PDE4D: variants seen among roughly 807,000 people sequenced by gnomAD.
PDE4D encodes the protein 3',5'-cyclic-AMP phosphodiesterase 4D.
PDE4D carries 24 observed loss-of-function variants against 87.4 expected under a neutral mutation model. That is an observed-to-expected ratio of 0.27 (90% CI 0.20 to 0.39). The LOEUF (loss-of-function observed/expected upper bound fraction) is 0.39. PDE4D is among the 10% of genes least tolerant of loss of function. The pLI is 1.00. For synonymous variants in PDE4D, 384 were observed against 383.2 expected (o/e 1.00, Z -0.02); for missense variants, 714 against 1,041.0 (o/e 0.69, Z 4.32).
At chr5:58,992,032 TTTA>T (rs1472110295) in intron 7 of PDE4D, 28 bp from the exon 8 acceptor site, 2 of 1,370,160 alleles carry the variant, frequency 1.5e-6, no homozygotes, top group Non-Finnish European at 2.0e-6. Context: ...ATGTTCTATA[TTTA>T]TTATTAATTC....
At chr5:59,128,533 G>T (rs923150405) in intron 5 of PDE4D, among the ~76,000 whole-genome samples, 1 of 151,746 alleles carries the variant, frequency 6.6e-6, no homozygotes, top group Non-Finnish European at 1.5e-5. Context: ...ACAGTGGAGT[G>T]TATTATGGTC....
chr5:59,406,636 C>G (rs1316589433), intron 1 of PDE4D, among the ~76,000 whole-genome samples: 1 of 152,148 alleles, frequency 6.6e-6, no homozygotes, highest in Non-Finnish European at 1.5e-5. Flanking sequence ...GATCTGCCTG[C>G]CTTGGCCTCC....
intron 5 of PDE4D, chr5:59,125,286 T>A: frequency 1.0e-6 from 1 of 984,682 alleles, no homozygotes; most frequent in Non-Finnish European, 1.2e-6. Flanking sequence ...AAATCTCAAC[T>A]ATTCCAGGTC....
At chr5:60,069,484 A>G (rs1772479144) in intron 2 of PDE4D, among the ~76,000 whole-genome samples, 1 of 152,156 alleles carries the variant, frequency 6.6e-6, no homozygotes, top group Non-Finnish European at 1.5e-5. Context: ...GCCCGAATAG[A>G]ATAAAACAAC....
chr5:60,255,355 G>A (rs897796375), intron 1 of PDE4D, among the ~76,000 whole-genome samples: 1 of 151,818 alleles, frequency 6.6e-6, no homozygotes, highest in East Asian at 1.9e-4. Flanking sequence ...ACCAAGAGGC[G>A]ACTTGACCAA....
intron 3 of PDE4D, among the ~76,000 whole-genome samples, chr5:59,907,555 A>T (rs565193264): frequency 6.6e-6 from 1 of 152,284 alleles, no homozygotes; most frequent in Admixed American, 6.5e-5. Flanking sequence ...TAGCTTACCT[A>T]TATAACAAAC....
intron 1 of PDE4D, among the ~76,000 whole-genome samples, chr5:59,887,271 GTATGTGTGAA>G (rs544923734): frequency 2.4e-4 from 37 of 152,156 alleles, no homozygotes; most frequent in Non-Finnish European, 4.7e-4. Context: ...GGCAATGGTG[GTATGTGTGAA>G]TATAGGGTCC....
At chr5:59,606,103 A>G (rs1401269789) in intron 1 of PDE4D, among the ~76,000 whole-genome samples, 1 of 152,114 alleles carries the variant, frequency 6.6e-6, no homozygotes, top group Non-Finnish European at 1.5e-5. Context: ...ACATGAAGTA[A>G]GAGTGTTACA....
intron 1 of PDE4D, among the ~76,000 whole-genome samples, chr5:59,397,094 C>G (rs1237732021): frequency 1.6e-4 from 21 of 130,642 alleles, no homozygotes; most frequent in African/African-American, 6.3e-4. Context: ...TCCTGAGTGA[C>G]CTACAAAGAG....
intron 1 of PDE4D, among the ~76,000 whole-genome samples, chr5:59,365,813 A>G (rs1305721558): frequency 2.0e-5 from 3 of 152,150 alleles, no homozygotes; most frequent in East Asian, 1.9e-4. Flanking sequence ...CTTTTTCTCA[A>G]TAAAACATAT....
intron 1 of PDE4D, among the ~76,000 whole-genome samples, chr5:60,193,669 CAAAAAAAAAAAAA>C (rs35340734): frequency 1.5e-4 from 7 of 46,878 alleles, no homozygotes; most frequent in East Asian, 5.3e-4. Context: ...GACTCCGTCT[CAAAAAAAAAAAAA>C]AAAAAAAAAA....
rs541793546 is a variant in PDE4D, at chr5:60,110,787, G to C, written c.42+74770C>G. 3.9e-5 allele frequency among the ~76,000 whole-genome samples: 6 copies of C among 152,020 alleles called. 1 individual carries two copies. The South Asian group carries it at 1.2e-3, about 32-fold the overall frequency. The stretch of plus-strand genomic sequence containing the variant: ...CAACAGACAAATAGATAAAGAAAAT[G>C]TGGTATATACACACAATGAAATACT... On this transcript the variant is annotated intron_variant, in intron 2 of 16. Coordinates refer to the PDE4D transcript ENST00000502484.
intron 1 of PDE4D, among the ~76,000 whole-genome samples, chr5:59,855,742 C>A (rs73761019): frequency 0.01 from 1,547 of 152,174 alleles, 33 homozygotes; most frequent in African/African-American, 0.035. Context: ...ATGAGACTAA[C>A]TTTTTTTGAA....
chr5:59,659,864 A>G (rs926995866), intron 1 of PDE4D, among the ~76,000 whole-genome samples: 1 of 152,134 alleles, frequency 6.6e-6, no homozygotes, highest in African/African-American at 2.4e-5. Flanking sequence ...CAACTCTCTC[A>G]TAACAAACTT....
chr5:59,755,331 T>C (rs1580900684), intron 1 of PDE4D, among the ~76,000 whole-genome samples: 1 of 152,168 alleles, frequency 6.6e-6, no homozygotes, highest in Non-Finnish European at 1.5e-5. Context: ...TTATCTTCTA[T>C]GCATAATAAA....
intron 1 of PDE4D, among the ~76,000 whole-genome samples, chr5:59,674,999 T>C (rs1285765394): frequency 7.2e-5 from 11 of 152,204 alleles, no homozygotes; most frequent in Admixed American, 7.2e-4. Flanking sequence ...ATGAATCACA[T>C]ACTATCTATA....
At chr5:59,255,961 G>A (rs1015914150) in intron 1 of PDE4D, among the ~76,000 whole-genome samples, 2 of 152,050 alleles carry the variant, frequency 1.3e-5, no homozygotes, top group Admixed American at 1.3e-4. Context: ...TATACCGATT[G>A]ACATTTAGGC....
intron 6 of PDE4D, among the ~76,000 whole-genome samples, chr5:59,020,654 G>A (rs939071663): frequency 1.3e-5 from 2 of 150,724 alleles, no homozygotes; most frequent in African/African-American, 4.9e-5. Context: ...CTCTTTCTAA[G>A]GGCTTCTGGA....
intron 1 of PDE4D, 96 bp downstream of exon 1, chr5:59,893,071 TC>T: frequency 1.6e-6 from 2 of 1,235,188 alleles, no homozygotes; most frequent in Non-Finnish European, 2.3e-6. Flanking sequence ...TTACCCTGGG[TC>T]TAGAATTGGT....
Sources: allele counts gnomAD v4.1 joint callset (sites outside exome capture counted in the v4.1 genomes callset), GRCh38; gene constraint gnomAD v4.1.1; transcripts MANE v1.5; gene names NCBI Gene and HGNC (gene_info 2026-07-23, HGNC 2026-07-21).